Variants in PKD2L2 observed in about 807,000 individuals in gnomAD.
PKD2L2 encodes the protein polycystin-2-like protein 2.
Under a neutral mutation model 83.9 loss-of-function variants are expected in PKD2L2, and 67 were observed. The ratio of observed to expected loss-of-function variants is 0.80; its 90% CI spans 0.66 to 0.98. The LOEUF (loss-of-function observed/expected upper bound fraction) is 0.98, where lower values mean the gene tolerates loss of function less well. PKD2L2 is among the 50% of genes least tolerant of loss of function. The pLI, the probability that PKD2L2 is intolerant of heterozygous loss-of-function variation, is 0.00. For synonymous variants in PKD2L2, 223 were observed against 237.8 expected (o/e 0.94, Z 0.57); for missense variants, 632 against 717.2 (o/e 0.88, Z 1.36).
At chr5:137,923,651 G>T in intron 10 of PKD2L2, 130 bp downstream of exon 10, 1 of 632,550 alleles carries the variant, frequency 1.6e-6, no homozygotes, top group Non-Finnish European at 2.9e-6. Context: ...CATCCCCAGG[G>T]TTTGTTTTGT....
chr5:137,916,640 C>T lies in PKD2L2; in HGVS notation c.1329-4996C>T, dbSNP rs574280057. Among the ~76,000 whole-genome samples, 16 of 151,880 alleles carry T rather than the reference C, an allele frequency of 1.1e-4. No individual in the cohort carries two copies. The South Asian group carries it at 1.7e-3, about 16-fold the overall frequency. The stretch of plus-strand genomic sequence containing the variant: ...AGTTACAGATGCGCACCACCACACC[C>T]GGCTAATTTTTGTATTTTTAGTAGA... On this transcript the variant is annotated intron_variant, in intron 8 of 14. Transcript: ENST00000508883.
chr5:137,937,150 G>A (rs1760508113), intron 14 of PKD2L2, among the ~76,000 whole-genome samples: 1 of 152,110 alleles, frequency 6.6e-6, no homozygotes, highest in African/African-American at 2.4e-5. Flanking sequence ...ATTAATAAAG[G>A]CTTAGGATTC....
chr5:137,934,613 A>T (rs950056642), intron 12 of PKD2L2, among the ~76,000 whole-genome samples: 2 of 152,180 alleles, frequency 1.3e-5, no homozygotes, highest in Admixed American at 1.3e-4. Context: ...GTTCAAGACC[A>T]GCCTGGCCAA....
chr5:137,923,729 T>C (rs987324136), intron 10 of PKD2L2, among the ~76,000 whole-genome samples: 1 of 152,210 alleles, frequency 6.6e-6, no homozygotes, highest in African/African-American at 2.4e-5. Context: ...GCTCTCTGAC[T>C]TCAAAAATGT....
chr5:137,893,613 A>G (rs967588118), intron 3 of PKD2L2, among the ~76,000 whole-genome samples: 1 of 152,172 alleles, frequency 6.6e-6, no homozygotes, highest in Non-Finnish European at 1.5e-5. Flanking sequence ...ATGTGGAGCT[A>G]TGTTTGGTAT....
At chr5:137,933,878 G>A (rs1760087698) in intron 12 of PKD2L2, among the ~76,000 whole-genome samples, 1 of 152,130 alleles carries the variant, frequency 6.6e-6, no homozygotes, top group South Asian at 2.1e-4. Context: ...TGCTGGTTCT[G>A]TAGGCATGAG....
chr5:137,920,350 T>C (rs1268885530), intron 8 of PKD2L2, among the ~76,000 whole-genome samples: 2 of 152,236 alleles, frequency 1.3e-5, no homozygotes, highest in Non-Finnish European at 2.9e-5. Context: ...TAATTCTACT[T>C]GTTACTACTG....
intron 8 of PKD2L2, among the ~76,000 whole-genome samples, chr5:137,920,756 T>A (rs1263985551): frequency 7.0e-6 from 1 of 143,768 alleles, no homozygotes; most frequent in Non-Finnish European, 1.5e-5. Context: ...AAACTCCATC[T>A]AAAAAAAAAA....
At chr5:137,934,917 G>C (rs1211982168) in intron 12 of PKD2L2, among the ~76,000 whole-genome samples, 2 of 152,122 alleles carry the variant, frequency 1.3e-5, no homozygotes, top group Non-Finnish European at 2.9e-5. Flanking sequence ...TTGGTTTAAA[G>C]AAAGGCACTC....
At chr5:137,942,183 A>G (rs1762053221) in intron 14 of PKD2L2, 3 of 657,578 alleles carry the variant, frequency 4.6e-6, no homozygotes, top group South Asian at 1.9e-5. Context: ...CTGCAAACCA[A>G]TGAAATCAGA....
chr5:137,907,050 C>T (rs1757430062), intron 6 of PKD2L2, among the ~76,000 whole-genome samples: 6 of 152,158 alleles, frequency 3.9e-5, no homozygotes, highest in Admixed American at 3.9e-4. Context: ...GAACAAAGAA[C>T]CAATGTTTCT....
intron 11 of PKD2L2, 67 bp from the exon 12 acceptor site, chr5:137,925,808 T>C: frequency 2.3e-6 from 2 of 877,318 alleles, no homozygotes; most frequent in Admixed American, 4.0e-5. Context: ...GATCCGATTG[T>C]ACTTTATGGT....
chr5:137,903,607 A>G (rs1757132927), intron 5 of PKD2L2, among the ~76,000 whole-genome samples: 1 of 152,240 alleles, frequency 6.6e-6, no homozygotes, highest in South Asian at 2.1e-4. Flanking sequence ...TTGTAGCTGC[A>G]GAAAGACAAG....
At chr5:137,920,763 A>G (rs1166766807) in intron 8 of PKD2L2, among the ~76,000 whole-genome samples, 1 of 151,862 alleles carries the variant, frequency 6.6e-6, no homozygotes, top group Non-Finnish European at 1.5e-5. Flanking sequence ...ATCTAAAAAA[A>G]AAAAAAAATC....
intron 3 of PKD2L2, among the ~76,000 whole-genome samples, chr5:137,893,631 A>G (rs1441605981): frequency 6.6e-6 from 1 of 152,204 alleles, no homozygotes; most frequent in Admixed American, 6.5e-5. Flanking sequence ...TATTGTGAGC[A>G]TATGGAAGAT....
At chr5:137,920,039 A>C (rs1172078985) in intron 8 of PKD2L2, among the ~76,000 whole-genome samples, 1 of 152,132 alleles carries the variant, frequency 6.6e-6, no homozygotes, top group Non-Finnish European at 1.5e-5. Flanking sequence ...CTCTACTAAA[A>C]ATACAAAAAT....
intron 8 of PKD2L2, among the ~76,000 whole-genome samples, chr5:137,916,436 G>A (rs1422239963): frequency 7.0e-6 from 1 of 142,848 alleles, no homozygotes; most frequent in African/African-American, 2.6e-5. Flanking sequence ...TTGAAGGAGA[G>A]TTTTGCCAGA....
intron 13 of PKD2L2, 68 bp from the exon 14 acceptor site, chr5:137,936,252 A>T: frequency 7.2e-7 from 1 of 1,388,556 alleles, no homozygotes; most frequent in Non-Finnish European, 9.8e-7. Flanking sequence ...ATTTCGCACT[A>T]GTAACTTGCT....
chr5:137,907,680 G>T (rs1757474266), intron 6 of PKD2L2, 62 bp from the exon 7 acceptor site: 1 of 969,518 alleles, frequency 1.0e-6, no homozygotes, highest in Admixed American at 2.9e-5. Context: ...TTCCTCATAG[G>T]CTGTAAGATA....
Sources: gnomAD v4.1 joint callset for allele counts (sites outside exome capture counted in the v4.1 genomes callset) on GRCh38, gnomAD v4.1.1 for gene constraint, MANE v1.5 for transcripts, NCBI Gene and HGNC (gene_info 2026-07-23, HGNC 2026-07-21) for gene names.